The following LUZP2 variants were observed in gnomAD, a reference collection of about 807,000 sequenced individuals.
The protein encoded by LUZP2 is leucine zipper protein 2.
In LUZP2, 52 loss-of-function variants were observed where a neutral mutation model predicts 51.6. The ratio of observed to expected loss-of-function variants is 1.01; its 90% confidence interval spans 0.81 to 1.27. The LOEUF is 1.27. Among genes scored for constraint, LUZP2 ranks in the 50% most tolerant of loss-of-function variants. The pLI is 0.00. For synonymous variants in LUZP2, 154 were observed against 137.3 expected (o/e 1.12, Z -0.85); for missense variants, 436 against 395.4 (o/e 1.10, Z -0.87).
At chr11:24,708,958 C>A (rs1218736470) in intron 1 of LUZP2, among the ~76,000 whole-genome samples, 2 of 152,178 alleles carry the variant, frequency 1.3e-5, no homozygotes, top group Admixed American at 6.5e-5. Flanking sequence ...GCTGTTTTCA[C>A]ACTTTAAATT....
chr11:25,048,157 G>A (rs1450194342), intron 9 of LUZP2, among the ~76,000 whole-genome samples: 1 of 152,020 alleles, frequency 6.6e-6, no homozygotes, highest in East Asian at 1.9e-4. Context: ...CTCAATTTTG[G>A]GATCTCCTCT....
intron 1 of LUZP2, among the ~76,000 whole-genome samples, chr11:24,692,196 T>A (rs1300855366): frequency 1.3e-5 from 2 of 151,918 alleles, no homozygotes; most frequent in Non-Finnish European, 2.9e-5. Flanking sequence ...TTTACAGAGA[T>A]CAAAAGAGTT....
intron 1 of LUZP2, among the ~76,000 whole-genome samples, chr11:24,618,252 T>G (rs1854361268): frequency 6.6e-6 from 1 of 152,210 alleles, no homozygotes; most frequent in South Asian, 2.1e-4. Flanking sequence ...TCATTACTGC[T>G]GGATATGATG....
At chr11:24,966,834 T>A (rs1456861712) in intron 7 of LUZP2, among the ~76,000 whole-genome samples, 1 of 147,666 alleles carries the variant, frequency 6.8e-6, no homozygotes, top group South Asian at 2.1e-4. Flanking sequence ...TATATATGTA[T>A]ACATTATATA....
At chr11:24,591,975 C>G (rs1024609716) in intron 1 of LUZP2, among the ~76,000 whole-genome samples, 1 of 152,266 alleles carries the variant, frequency 6.6e-6, no homozygotes, top group African/African-American at 2.4e-5. Flanking sequence ...CGAAGGATGA[C>G]TTTCCTGTAA....
intron 9 of LUZP2, among the ~76,000 whole-genome samples, chr11:24,989,113 A>G (rs1028082570): frequency 4.0e-5 from 6 of 151,780 alleles, no homozygotes; most frequent in African/African-American, 1.4e-4. Flanking sequence ...AAAAAAAAAA[A>G]AAAGAAAAGA....
intron 1 of LUZP2, among the ~76,000 whole-genome samples, chr11:24,583,957 C>A (rs948823229): frequency 1.3e-5 from 2 of 151,920 alleles, no homozygotes; most frequent in Admixed American, 1.3e-4. Context: ...TGTGATCCGC[C>A]GGTCTCGGCC....
intron 9 of LUZP2, among the ~76,000 whole-genome samples, chr11:25,018,985 T>C (rs7119615): frequency 0.38 from 57,773 of 152,038 alleles, 13,342 homozygotes; most frequent in East Asian, 0.77. Flanking sequence ...GTAAAGAGAG[T>C]TCCCAAAATT....
chr11:24,930,409 C>T (rs1325297867), intron 7 of LUZP2, among the ~76,000 whole-genome samples: 1 of 152,246 alleles, frequency 6.6e-6, no homozygotes, highest in African/African-American at 2.4e-5. Flanking sequence ...TAGCAATTCT[C>T]ATAGCGCTGG....
intron 1 of LUZP2, among the ~76,000 whole-genome samples, chr11:24,525,586 T>A (rs980008106): frequency 6.6e-6 from 1 of 151,486 alleles, no homozygotes; most frequent in Non-Finnish European, 1.5e-5. Context: ...AATTGGAATT[T>A]AGGTTGATGT....
chr11:24,965,381 C>G (rs1311367962), intron 7 of LUZP2, among the ~76,000 whole-genome samples: 1 of 150,988 alleles, frequency 6.6e-6, no homozygotes, highest in Non-Finnish European at 1.5e-5. Context: ...TGCCAAGGGC[C>G]TTGATTCATA....
At chr11:25,023,829 T>C (rs1590847481) in intron 9 of LUZP2, among the ~76,000 whole-genome samples, 1 of 152,184 alleles carries the variant, frequency 6.6e-6, no homozygotes, top group Non-Finnish European at 1.5e-5. Context: ...TTCTGCTATG[T>C]TGTGTCTTTG....
chr11:24,545,675 T>A (rs2133731708), intron 1 of LUZP2, among the ~76,000 whole-genome samples: 1 of 151,998 alleles, frequency 6.6e-6, no homozygotes, highest in East Asian at 1.9e-4. Flanking sequence ...ACCATGCTGT[T>A]TTGGTTGCTG....
At chr11:25,004,040 A>C (rs1209879734) in intron 9 of LUZP2, among the ~76,000 whole-genome samples, 1 of 152,194 alleles carries the variant, frequency 6.6e-6, no homozygotes, top group Non-Finnish European at 1.5e-5. Flanking sequence ...AGGCCATACC[A>C]GTGTCCAGGA....
intron 1 of LUZP2, among the ~76,000 whole-genome samples, chr11:24,616,475 A>ATGTGTGTGTGTG (rs61413263): frequency 0.074 from 7,319 of 98,434 alleles, 220 homozygotes; most frequent in Middle Eastern, 0.11. Context: ...TGGCGTGCGC[A>ATGTGTGTGTGTG]TGTGTGTGTG....
At chr11:24,785,604 A>G (rs903589864) in intron 5 of LUZP2, among the ~76,000 whole-genome samples, 1 of 152,068 alleles carries the variant, frequency 6.6e-6, no homozygotes, top group Non-Finnish European at 1.5e-5. Context: ...AAGTTTAATG[A>G]GCTTGACAAG....
chr11:24,963,242 C>A (rs1855472197), intron 7 of LUZP2, among the ~76,000 whole-genome samples: 1 of 152,166 alleles, frequency 6.6e-6, no homozygotes, highest in Non-Finnish European at 1.5e-5. Flanking sequence ...AGGCAGTCTG[C>A]CGGTTCTCAG....
At chr11:24,869,666 T>A (rs1479563457) in intron 5 of LUZP2, among the ~76,000 whole-genome samples, 1 of 152,092 alleles carries the variant, frequency 6.6e-6, no homozygotes, top group African/African-American at 2.4e-5. Flanking sequence ...TTATTGTAAA[T>A]GTTTTGGGGA....
rs138111712 is a variant in LUZP2, at chr11:24,950,146, A to C, written c.523-26445A>C. Among the ~76,000 whole-genome samples the C allele has an allele frequency of 4.4e-3, 665 of 151,222 alleles. 4 individuals are homozygous for C. Among genetic ancestry groups the C allele is most frequent in the Non-Finnish European group, 6.3e-3 (426 of 67,472 alleles). The stretch of plus-strand genomic sequence containing the variant: ...AGTGGAGGAATTTATGGATAATAGA[A>C]TATAGGGTAGTGAGTAGACAGATCA... On this transcript the variant is annotated intron_variant, in intron 7 of 11. Transcript: ENST00000336930.
Sources: allele counts gnomAD v4.1 joint callset (sites outside exome capture counted in the v4.1 genomes callset), GRCh38; gene constraint gnomAD v4.1.1; transcripts MANE v1.5; gene names NCBI Gene and HGNC (gene_info 2026-07-23, HGNC 2026-07-21).